The following CPQ variants were observed in gnomAD, a reference collection of about 807,000 sequenced individuals.
CPQ encodes carboxypeptidase Q.
Under a neutral mutation model 45.7 loss-of-function variants are expected in CPQ, and 37 were observed. The observed-to-expected ratio is 0.81, with a 90% confidence interval of 0.62 to 1.07. The LOEUF is 1.07. Among genes scored for constraint, CPQ ranks in the 50% least tolerant of loss-of-function variants. The pLI is 0.00. For missense variants in CPQ, 537 were observed against 572.9 expected, an observed-to-expected ratio of 0.94 and a Z score of 0.64; for synonymous variants, 186 against 205.8, an observed-to-expected ratio of 0.90 and a Z score of 0.82.
chr8:96,928,988 TA>T (rs1019204288), intron 4 of CPQ, among the ~76,000 whole-genome samples: 64 of 152,152 alleles, frequency 4.2e-4, no homozygotes, highest in African/African-American at 1.4e-3. Flanking sequence ...CCTATATATT[TA>T]AAAAATTATA....
chr8:97,014,908 TA>T (rs1015407033), intron 5 of CPQ, among the ~76,000 whole-genome samples: 2 of 151,948 alleles, frequency 1.3e-5, no homozygotes, highest in African/African-American at 2.4e-5. Flanking sequence ...TGCATTATAT[TA>T]AAAAAAACTT....
chr8:96,905,110 A>G (rs966120504), intron 4 of CPQ, among the ~76,000 whole-genome samples: 44 of 152,206 alleles, frequency 2.9e-4, no homozygotes, highest in Non-Finnish European at 5.0e-4. Flanking sequence ...GAAACATACA[A>G]TCATGGCACA....
chr8:96,721,578 C>G (rs1643745324), intron 1 of CPQ, among the ~76,000 whole-genome samples: 1 of 152,120 alleles, frequency 6.6e-6, no homozygotes, highest in Non-Finnish European at 1.5e-5. Flanking sequence ...AATTTTCTAA[C>G]AGGTCTTCTG....
intron 6 of CPQ, among the ~76,000 whole-genome samples, chr8:97,038,100 T>C (rs551358091): frequency 6.6e-6 from 1 of 152,312 alleles, no homozygotes; most frequent in Non-Finnish European, 1.5e-5. Flanking sequence ...TGGTTTCAGA[T>C]TATAGTGAAG....
intron 3 of CPQ, among the ~76,000 whole-genome samples, chr8:96,876,337 A>C (rs1164746077): frequency 6.6e-6 from 1 of 152,112 alleles, no homozygotes; most frequent in Non-Finnish European, 1.5e-5. Context: ...TTTGTTAAAA[A>C]TATTAACTTA....
intron 1 of CPQ, among the ~76,000 whole-genome samples, chr8:96,657,857 G>GT (rs371967704): frequency 1.1e-3 from 168 of 152,320 alleles, no homozygotes; most frequent in African/African-American, 3.8e-3. Flanking sequence ...TCATAATGCT[G>GT]TGAAGTAGCT....
chr8:96,831,421 TGAATATGACACAGG>T (rs1811460036), intron 2 of CPQ, among the ~76,000 whole-genome samples: 1 of 152,082 alleles, frequency 6.6e-6, no homozygotes, highest in Non-Finnish European at 1.5e-5. Context: ...GGCCTTACTG[TGAATATGACACAGG>T]TTTTGTGTTC....
intron 4 of CPQ, among the ~76,000 whole-genome samples, chr8:96,916,038 C>T (rs944534226): frequency 3.3e-5 from 5 of 152,166 alleles, no homozygotes; most frequent in African/African-American, 1.2e-4. Context: ...TCTGATTCCT[C>T]TTAGGAGAGT....
At chr8:96,985,493 T>C (rs187516785) in intron 5 of CPQ, among the ~76,000 whole-genome samples, 4 of 152,304 alleles carry the variant, frequency 2.6e-5, no homozygotes, top group Admixed American at 6.5e-5. Context: ...TTTGGTTGTG[T>C]TTTTAATTCT....
At chr8:96,800,897 CAA>C (rs1302510003) in intron 2 of CPQ, among the ~76,000 whole-genome samples, 3 of 151,032 alleles carry the variant, frequency 2.0e-5, no homozygotes, top group Non-Finnish European at 4.4e-5. Context: ...GCAAATAGGA[CAA>C]AGAGACTTGC....
chr8:97,029,577 A>G, intron 6 of CPQ, 83 bp downstream of exon 6: 1 of 1,276,634 alleles, frequency 7.8e-7, no homozygotes, highest in South Asian at 1.3e-5. Flanking sequence ...AGACTTCAAT[A>G]ATACTTTCTG....
At chr8:96,889,105 G>T (rs571893989) in intron 4 of CPQ, among the ~76,000 whole-genome samples, 10 of 152,194 alleles carry the variant, frequency 6.6e-5, no homozygotes, top group Admixed American at 6.5e-4. Flanking sequence ...GACAGCCCAC[G>T]GTGGGTCTGA....
intron 3 of CPQ, among the ~76,000 whole-genome samples, chr8:96,849,347 G>A (rs1277579288): frequency 6.6e-6 from 1 of 152,158 alleles, no homozygotes; most frequent in African/African-American, 2.4e-5. Flanking sequence ...TCCAGTGACT[G>A]GCTTCTGGAT....
chr8:97,029,527 G>A (rs1025330924), intron 6 of CPQ, 33 bp downstream of exon 6: 1 of 1,544,858 alleles, frequency 6.5e-7, no homozygotes, highest in Non-Finnish European at 8.8e-7. Context: ...CTAAGCATTT[G>A]TACATGTAAT....
chr8:96,878,831 A>G (rs1812182479), intron 3 of CPQ, among the ~76,000 whole-genome samples: 1 of 152,246 alleles, frequency 6.6e-6, no homozygotes, highest in South Asian at 2.1e-4. Context: ...TGAAACAAAT[A>G]TAGAAATATG....
At chr8:96,666,765 G>A (rs962320390) in intron 1 of CPQ, among the ~76,000 whole-genome samples, 2 of 152,088 alleles carry the variant, frequency 1.3e-5, no homozygotes, top group African/African-American at 2.4e-5. Flanking sequence ...TATTGCTCCC[G>A]GGCTTGATGG....
At chr8:96,854,300 G>A (rs1181405882) in intron 3 of CPQ, among the ~76,000 whole-genome samples, 2 of 151,690 alleles carry the variant, frequency 1.3e-5, no homozygotes, top group Non-Finnish European at 2.9e-5. Context: ...GGGAGGCCGA[G>A]GCGGGCGGAT....
intron 6 of CPQ, among the ~76,000 whole-genome samples, chr8:97,043,565 C>T (rs1024963032): frequency 1.3e-5 from 2 of 152,182 alleles, no homozygotes; most frequent in African/African-American, 4.8e-5. Context: ...TTAGTTGATG[C>T]AGTTTCTTCC....
At chr8:96,995,745 G>A (rs1809169234) in intron 5 of CPQ, among the ~76,000 whole-genome samples, 1 of 151,582 alleles carries the variant, frequency 6.6e-6, no homozygotes, top group Non-Finnish European at 1.5e-5. Context: ...GTGTCATGGG[G>A]GTTTGTTATA....
Sources: gnomAD v4.1 joint callset for allele counts (sites outside exome capture counted in the v4.1 genomes callset) on GRCh38, gnomAD v4.1.1 for gene constraint, MANE v1.5 for transcripts, NCBI Gene and HGNC (gene_info 2026-07-23, HGNC 2026-07-21) for gene names.